SFMBT1: variants seen among roughly 807,000 people sequenced by gnomAD.
SFMBT1 encodes the protein scm-like with four MBT domains protein 1.
SFMBT1 carries 32 observed loss-of-function variants against 108.7 expected under a neutral mutation model. That is an observed-to-expected ratio of 0.29 (90% confidence interval 0.22 to 0.40). The LOEUF (loss-of-function observed/expected upper bound fraction) is 0.40. Among genes scored for constraint, SFMBT1 ranks in the 10% least tolerant of loss-of-function variants. The pLI is 1.00. For missense variants in SFMBT1, 816 were observed against 1,059.6 expected (o/e 0.77, Z 3.19); for synonymous variants, 348 against 369.5 (o/e 0.94, Z 0.67).
intron 3 of SFMBT1, among the ~76,000 whole-genome samples, chr3:52,951,133 G>GAAAAAAA (rs1559523671): frequency 2.3e-4 from 11 of 47,440 alleles, no homozygotes; most frequent in Admixed American, 4.6e-4. Flanking sequence ...AAAAAAAAAA[G>GAAAAAAA]AAAAATCCAA....
At chr3:52,982,753 A>AAAAAAAAAAAAAAAAAAAC in intron 1 of SFMBT1, among the ~76,000 whole-genome samples, 1 of 144,670 alleles carries the variant, frequency 6.9e-6, no homozygotes, top group Non-Finnish European at 1.5e-5. Context: ...AAAAAAAAAA[A>AAAAAAAAAAAAAAAAAAAC]GATATAGATC....
intron 4 of SFMBT1, among the ~76,000 whole-genome samples, chr3:52,936,445 A>G (rs1438341393): frequency 6.6e-6 from 1 of 152,194 alleles, no homozygotes; most frequent in Non-Finnish European, 1.5e-5. Flanking sequence ...GAAGTCATAC[A>G]TTAAAACAAA....
chr3:52,959,589 C>A (rs1433045440), intron 2 of SFMBT1, among the ~76,000 whole-genome samples: 1 of 152,200 alleles, frequency 6.6e-6, no homozygotes, highest in Non-Finnish European at 1.5e-5. Flanking sequence ...TCCCAGTGTC[C>A]TTCATGCTCC....
chr3:53,022,486 C>A (rs1174834991), intron 1 of SFMBT1, among the ~76,000 whole-genome samples: 1 of 149,426 alleles, frequency 6.7e-6, no homozygotes, highest in Non-Finnish European at 1.5e-5. Flanking sequence ...AACATAAGAC[C>A]CTGTTTCTAT....
chr3:52,906,523 A>G lies in SFMBT1; in HGVS notation c.2332-282T>C, dbSNP rs538510783. Among the ~76,000 whole-genome samples the G allele has an allele frequency of 3.9e-5, 6 of 152,334 alleles. No individual in the cohort carries two copies. In the East Asian group the frequency reaches 1.2e-3, roughly 29 times the overall value. ...AAAACAGGGTGCTGAAGAGAAGGGG[A>G]TGATAATTCCATTGAGAGAAGGCTT... On this transcript the variant is annotated intron_variant, in intron 19 of 20. Transcript: ENST00000394752.
chr3:52,964,150 T>C (rs766208511), intron 2 of SFMBT1, among the ~76,000 whole-genome samples: 3 of 152,220 alleles, frequency 2.0e-5, no homozygotes, highest in Non-Finnish European at 2.9e-5. Flanking sequence ...GCTAAAACCC[T>C]GTACTTTTAA....
In SFMBT1 at chr3:52,932,132, A is replaced by G. The variant is rs1200723568; in HGVS notation, c.630T>C (p.Tyr210=). ...ESSDNYEHWL[Y]YLDPFLHHVG... is the part of the protein sequence containing the mutation. ...CGTGATGAAGAAATGGATCCAAGTA[A>G]TACAACCAATGTTCATAATTGTCAG... is the stretch of plus-strand genomic sequence containing the variant. Residue 210 remains tyrosine, a synonymous_variant, in exon 6 of 21, where the codon TAT becomes TAC. Coordinates refer to ENST00000394752, the MANE Select transcript of SFMBT1 (RefSeq NM_016329.4). 1 of 1,614,192 alleles carries G rather than the reference A, an allele frequency of 6.2e-7. No individual in the cohort carries two copies. The highest frequency in any genetic ancestry group is 1.7e-5 in the Admixed American group (1 of 60,032).
At chr3:52,915,035 G>C (rs1461025299) in intron 14 of SFMBT1, among the ~76,000 whole-genome samples, 1 of 152,190 alleles carries the variant, frequency 6.6e-6, no homozygotes, top group Non-Finnish European at 1.5e-5. Flanking sequence ...CACCACACCT[G>C]AATTAGGATC....
chr3:53,005,871 G>A (rs1342903381), intron 1 of SFMBT1, among the ~76,000 whole-genome samples: 1 of 152,180 alleles, frequency 6.6e-6, no homozygotes, highest in East Asian at 1.9e-4. Flanking sequence ...CATGCATGAA[G>A]GGGCAGTAGC....
intron 2 of SFMBT1, among the ~76,000 whole-genome samples, chr3:52,962,824 A>AAAAAAAAG (rs71087041): frequency 8.0e-5 from 12 of 150,226 alleles, no homozygotes; most frequent in African/African-American, 2.9e-4. Flanking sequence ...AAAAAAAAAA[A>AAAAAAAAG]GGAGAGGGAG....
At chr3:53,044,934 AGC>A (rs1575460105) in intron 1 of SFMBT1, 2 of 152,356 alleles carry the variant, frequency 1.3e-5, no homozygotes, top group African/African-American at 4.8e-5. Context: ...TGAAAAACTT[AGC>A]ATAACGTACA....
intron 8 of SFMBT1, among the ~76,000 whole-genome samples, chr3:52,930,127 G>T (rs1702811286): frequency 6.6e-6 from 1 of 152,186 alleles, no homozygotes; most frequent in Non-Finnish European, 1.5e-5. Flanking sequence ...AGGCTGCTTT[G>T]GCTAGGGCTA....
intron 10 of SFMBT1, among the ~76,000 whole-genome samples, chr3:52,923,591 C>T (rs571558340): frequency 3.3e-5 from 5 of 150,256 alleles, no homozygotes; most frequent in African/African-American, 4.9e-5. Context: ...AACAAACGAA[C>T]GAACTATTCA....
At chr3:52,956,019 G>C (rs1271043267) in intron 2 of SFMBT1, among the ~76,000 whole-genome samples, 1 of 152,150 alleles carries the variant, frequency 6.6e-6, no homozygotes, top group Non-Finnish European at 1.5e-5. Flanking sequence ...AATTACGTAG[G>C]CTTCATCCCT....
intron 1 of SFMBT1, among the ~76,000 whole-genome samples, chr3:52,975,525 C>G (rs147297656): frequency 1.3e-5 from 2 of 152,018 alleles, no homozygotes; most frequent in Non-Finnish European, 2.9e-5. Flanking sequence ...CTCATCTCTA[C>G]GAAAAATTTA....
intron 1 of SFMBT1, among the ~76,000 whole-genome samples, chr3:52,981,380 TGA>T (rs1704705119): frequency 6.6e-6 from 1 of 151,978 alleles, no homozygotes; most frequent in South Asian, 2.1e-4. Flanking sequence ...GGAATTTTTT[TGA>T]GACAGGGTCT....
At chr3:52,912,752 A>C in intron 15 of SFMBT1, 105 bp from the exon 16 acceptor site, 2 of 814,254 alleles carry the variant, frequency 2.5e-6, no homozygotes, top group Admixed American at 2.3e-5. Flanking sequence ...TAGGAGGTTA[A>C]ATTCTAGTCA....
At position 52,938,377 on chromosome 3, in the gene SFMBT1, C is replaced by T. The variant is rs72961721; in HGVS notation, c.365-3476G>A. Among the ~76,000 whole-genome samples the T allele has an allele frequency of 4.5e-3, 677 of 152,074 alleles. 8 individuals carry two copies. Among genetic ancestry groups the T allele is most frequent in the African/African-American group, 0.016 (648 of 41,504 alleles). On this transcript the variant is annotated intron_variant, in intron 4 of 20. Coordinates refer to ENST00000394752, the MANE Select transcript of SFMBT1 (RefSeq NM_016329.4). Reference sequence around the variant, plus strand: ...GTTTTTTTTACTATGTGATCTATCCCGTTTACACATATAGTTTCTCTTTCT... The same window carrying T: ...GTTTTTTTTACTATGTGATCTATCCTGTTTACACATATAGTTTCTCTTTCT...
chr3:53,009,903 G>A (rs545778772), intron 1 of SFMBT1, among the ~76,000 whole-genome samples: 4 of 152,028 alleles, frequency 2.6e-5, no homozygotes, highest in African/African-American at 9.7e-5. Context: ...TCATCCTCAC[G>A]GTCTTCACAC....
Sources: gnomAD v4.1 joint callset for allele counts (sites outside exome capture counted in the v4.1 genomes callset) on GRCh38, gnomAD v4.1.1 for gene constraint, MANE v1.5 for transcripts, NCBI Gene and HGNC (gene_info 2026-07-23, HGNC 2026-07-21) for gene names.